Variants in TF observed in about 807,000 individuals in gnomAD.
TF encodes the protein serotransferrin.
In TF, 55 loss-of-function variants were observed where a neutral mutation model predicts 82.4. That is an observed-to-expected ratio of 0.67 (90% CI 0.54 to 0.84). The LOEUF is 0.84. Among genes scored for constraint, TF ranks in the 40% least tolerant of loss-of-function variants. The probability of loss-of-function intolerance (pLI) is 0.00; values close to 1 mark genes in which losing one functional copy is unlikely to be tolerated. For missense variants in TF, 737 were observed against 868.4 expected, an observed-to-expected ratio of 0.85 and a Z score of 1.90; for synonymous variants, 332 against 332.6, an observed-to-expected ratio of 1.00 and a Z score of 0.02.
intron 3 of TF, 52 bp from the exon 4 acceptor site, chr3:133,754,443 A>C: frequency 1.3e-6 from 2 of 1,586,066 alleles, no homozygotes; most frequent in African/African-American, 2.7e-5. Flanking sequence ...GTGATGAGCC[A>C]TGTTTCCCTG....
At chr3:133,753,895 G>A in intron 3 of TF, 192 bp downstream of exon 3, 1 of 661,142 alleles carries the variant, frequency 1.5e-6, no homozygotes. Flanking sequence ...GCTGGCTGAG[G>A]ACTGGTGCTC....
the TF span, among the ~76,000 whole-genome samples, chr3:133,726,140 C>T: frequency 2.6e-5 from 4 of 151,982 alleles, no homozygotes; most frequent in African/African-American, 4.8e-5. Context: ...TGTCTCTGCC[C>T]GGCTTTGATA....
At chr3:133,671,788 G>A in the TF span, among the ~76,000 whole-genome samples, 1 of 134,506 alleles carries the variant, frequency 7.4e-6, no homozygotes, top group Non-Finnish European at 1.5e-5. Flanking sequence ...GTGAGACTCT[G>A]TCAAAAGAAA....
At chr3:133,764,405 G>C in intron 10 of TF, 130 bp downstream of exon 10, 1 of 766,758 alleles carries the variant, frequency 1.3e-6, no homozygotes, top group Non-Finnish European at 2.3e-6. Flanking sequence ...CTCCTACTTT[G>C]CAAGCTCTGG....
At chr3:133,695,281 C>G in the TF span, among the ~76,000 whole-genome samples, 1 of 144,734 alleles carries the variant, frequency 6.9e-6, no homozygotes, top group African/African-American at 2.6e-5. Context: ...TGGAGTCTCC[C>G]TCTGTCACCA....
At position 133,767,196 on chromosome 3, in the gene TF, C is replaced by T. The variant is rs8177331; in HGVS notation, c.1486+763C>T. 4.6e-3 allele frequency among the ~76,000 whole-genome samples: 695 copies of T among 152,274 alleles called. 7 individuals carry two copies. The highest frequency in any genetic ancestry group is 0.01 in the Middle Eastern group (3 of 294). On this transcript the variant is annotated intron_variant, in intron 12 of 16. Coordinates refer to ENST00000402696, the MANE Select transcript of TF (RefSeq NM_001063.4). ...GGACCCTTCTAAGCAGTAGAAATCA[C>T]CTCATTTTCTATGTCCTCTGAATAC... is the stretch of plus-strand genomic sequence containing the variant.
chr3:133,785,206 G>A lies in TF; in HGVS notation c.*6586G>A, dbSNP rs1158565729. On this transcript the variant is annotated 3_prime_UTR_variant, in exon 17 of 17. Coordinates refer to ENST00000402696, the MANE Select transcript of TF (RefSeq NM_001063.4). ...AGCCCTCCGCCCGGCCAGCCGCCCCGTCTGGGAGGTGAGGGGCGCCTCTGC... is the reference window on the plus strand; with the variant it reads ...AGCCCTCCGCCCGGCCAGCCGCCCCATCTGGGAGGTGAGGGGCGCCTCTGC... The A allele has an allele frequency of 3.7e-4, 35 of 93,786 alleles. No homozygotes were observed. The highest frequency in any genetic ancestry group is 1.3e-3 in the African/African-American group (29 of 22,778). 5.8% of individuals were successfully genotyped at this position (93,786 alleles called of 1,614,324 possible).
At chr3:133,730,744 CAAGCATGCATACACACACAT>C in the TF span, among the ~76,000 whole-genome samples, 1 of 150,666 alleles carries the variant, frequency 6.6e-6, no homozygotes, top group African/African-American at 2.5e-5. Flanking sequence ...AACACACACA[CAAGCATGCATACACACACAT>C]GTTTACATAC....
At chr3:133,732,626 A>G in the TF span, among the ~76,000 whole-genome samples, 1 of 152,238 alleles carries the variant, frequency 6.6e-6, no homozygotes, top group African/African-American at 2.4e-5. Context: ...TGTAACAGTC[A>G]TCATGAAGGT....
the TF span, among the ~76,000 whole-genome samples, chr3:133,726,710 T>C: frequency 6.6e-6 from 1 of 152,190 alleles, no homozygotes; most frequent in Admixed American, 6.5e-5. Context: ...CTTTTGAATG[T>C]GTTTGCTCTT....
At chr3:133,694,726 C>A in the TF span, among the ~76,000 whole-genome samples, 76 of 152,342 alleles carry the variant, frequency 5.0e-4, no homozygotes, top group South Asian at 0.016. Context: ...GCGTACCTCG[C>A]CCCATCTCCC....
At chr3:133,733,880 A>C in the TF span, among the ~76,000 whole-genome samples, 14 of 152,210 alleles carry the variant, frequency 9.2e-5, no homozygotes, top group African/African-American at 1.7e-4. Flanking sequence ...AAAAAAAAAA[A>C]ACATGTATTT....
chr3:133,778,309 A>G, intron 16 of TF: 1 of 374,586 alleles, frequency 2.7e-6, no homozygotes, highest in South Asian at 2.2e-5. Context: ...GGCCTCAGGA[A>G]CTCAGATGTG....
At chr3:133,712,481 C>T in the TF span, among the ~76,000 whole-genome samples, 2 of 152,244 alleles carry the variant, frequency 1.3e-5, no homozygotes, top group East Asian at 3.9e-4. Context: ...AGTCAGTTCC[C>T]CTTTACTTAG....
the TF span, among the ~76,000 whole-genome samples, chr3:133,665,217 A>C: frequency 6.6e-6 from 1 of 152,162 alleles, no homozygotes; most frequent in South Asian, 2.1e-4. Context: ...CTGTAATCCT[A>C]GTACTTTGGA....
At chr3:133,752,877 AAAT>A (rs368769482) in intron 2 of TF, among the ~76,000 whole-genome samples, 2 of 152,186 alleles carry the variant, frequency 1.3e-5, no homozygotes, top group African/African-American at 4.8e-5. Context: ...GCAAAAATGG[AAAT>A]AATAATCAAG....
At chr3:133,663,625 A>AT in the TF span, among the ~76,000 whole-genome samples, 3 of 152,164 alleles carry the variant, frequency 2.0e-5, no homozygotes, top group African/African-American at 7.2e-5. Flanking sequence ...CAGCAACCCT[A>AT]TAATAGATGG....
the TF span, among the ~76,000 whole-genome samples, chr3:133,690,402 AAC>A: frequency 5.3e-5 from 8 of 152,258 alleles, no homozygotes; most frequent in African/African-American, 1.9e-4. Context: ...TTCTAAAAAT[AAC>A]AGTTTATATT....
chr3:133,662,389 CTG>C, the TF span: 1 of 152,246 alleles, frequency 6.6e-6, no homozygotes, highest in Non-Finnish European at 1.5e-5. Flanking sequence ...AGAATTAATA[CTG>C]CATCCAGGTC....
Sources: gnomAD v4.1 joint callset for allele counts (sites outside exome capture counted in the v4.1 genomes callset) on GRCh38, gnomAD v4.1.1 for gene constraint, MANE v1.5 for transcripts, NCBI Gene and HGNC (gene_info 2026-07-23, HGNC 2026-07-21) for gene names.